The following GLRA2 variants were observed in gnomAD, a reference collection of about 807,000 sequenced individuals.
GLRA2 encodes the protein glycine receptor alpha 2, also known as glycine receptor subunit alpha-2.
A neutral mutation model predicts 31.6 loss-of-function variants in GLRA2; 11 were observed. The observed-to-expected ratio is 0.35, with a 90% CI of 0.22 to 0.58. The LOEUF (loss-of-function observed/expected upper bound fraction) is 0.58, where lower values mean the gene tolerates loss of function less well. Among genes scored for constraint, GLRA2 ranks in the 20% least tolerant of loss-of-function variants. GLRA2 has a pLI of 0.84. For synonymous variants in GLRA2, 132 were observed against 134.0 expected, an observed-to-expected ratio of 0.99 and a Z score of 0.10; for missense variants, 212 against 351.8, an observed-to-expected ratio of 0.60 and a Z score of 3.18.
chrX:14,515,749 G>T, the GLRA2 span, among the ~76,000 whole-genome samples: 1 of 111,474 alleles, frequency 9.0e-6, no homozygotes, highest in South Asian at 3.7e-4. Context: ...CTTTGTAATT[G>T]TTAGACATAT....
chrX:14,572,804 G>C (rs1482669033), intron 2 of GLRA2, among the ~76,000 whole-genome samples: 2 of 112,115 alleles, frequency 1.8e-5, no homozygotes, highest in Non-Finnish European at 3.8e-5. Flanking sequence ...AGGGCTACAA[G>C]GGGCCCTCTC....
chrX:14,552,699 A>G (rs2089583498), intron 2 of GLRA2, among the ~76,000 whole-genome samples: 1 of 112,131 alleles, frequency 8.9e-6, no homozygotes, highest in Middle Eastern at 4.6e-3. Context: ...TCTTAGTAGG[A>G]TTCTTCCCCT....
chrX:14,646,074 C>T (rs781777519), intron 7 of GLRA2, among the ~76,000 whole-genome samples: 1 of 112,027 alleles, frequency 8.9e-6, no homozygotes, highest in African/African-American at 3.2e-5. Context: ...TAATTGCATG[C>T]CAATTATGTA....
intron 4 of GLRA2, among the ~76,000 whole-genome samples, chrX:14,593,018 A>G (rs2147079198): frequency 8.9e-6 from 1 of 111,781 alleles, no homozygotes. Flanking sequence ...GGTTCTGGTG[A>G]GGGTGCTCAA....
intron 7 of GLRA2, among the ~76,000 whole-genome samples, chrX:14,629,839 A>G (rs1043908478): frequency 2.7e-5 from 3 of 111,964 alleles, no homozygotes; most frequent in Non-Finnish European, 3.8e-5. Flanking sequence ...CATATAGTAT[A>G]AGAGCCCTAC....
chrX:14,681,981 GTATTTATA>G (rs2147169785), intron 7 of GLRA2, among the ~76,000 whole-genome samples: 1 of 82,109 alleles, frequency 1.2e-5, no homozygotes, highest in African/African-American at 4.7e-5. Context: ...GTGTATATAT[GTATTTATA>G]TATGTATGTG....
chrX:14,673,634 C>T lies in GLRA2; in HGVS notation c.931-17076C>T, dbSNP rs140134988. Among the ~76,000 whole-genome samples, 1,021 of 111,998 alleles carry T rather than the reference C, an allele frequency of 9.1e-3. 13 individuals carry two copies. The highest frequency in any genetic ancestry group is 0.031 in the African/African-American group (948 of 30,837). Reference sequence around the variant, plus strand: ...AGCTCTTCCATATTCCTCTACCCATCACTATAAACCTTACCCACCATTCCA... The same window carrying T: ...AGCTCTTCCATATTCCTCTACCCATTACTATAAACCTTACCCACCATTCCA... On this transcript the variant is annotated intron_variant, in intron 7 of 8. Transcript: ENST00000218075.
At position 14,663,009 on chromosome X, in the gene GLRA2, T is replaced by C. The variant is rs6628403; in HGVS notation, c.931-27701T>C. Among the ~76,000 whole-genome samples the C allele has an allele frequency of 9.8e-5, 11 of 111,988 alleles. No individual in the cohort carries two copies. In the East Asian group the frequency reaches 1.9e-3, roughly 20 times the overall value. On this transcript the variant is annotated intron_variant, in intron 7 of 8. Transcript: ENST00000218075. ...CTCTAAATATTTATACTAGTAGTAG[T>C]AGATTTTTCAGTTGGTTCTCTTGAG...
chrX:14,526,862 A>G (rs1216464945), upstream of GLRA2, among the ~76,000 whole-genome samples: 2 of 111,708 alleles, frequency 1.8e-5, no homozygotes, highest in African/African-American at 6.5e-5. Flanking sequence ...GTACTGCAAG[A>G]AGAGGAGACA....
the GLRA2 span, among the ~76,000 whole-genome samples, chrX:14,498,672 T>C: frequency 9.0e-6 from 1 of 111,148 alleles, no homozygotes; most frequent in Non-Finnish European, 1.9e-5. Context: ...TTATAAACTA[T>C]AGCCGCCCTA....
At chrX:14,692,689 A>G (rs766252957) in intron 8 of GLRA2, among the ~76,000 whole-genome samples, 1 of 111,766 alleles carries the variant, frequency 8.9e-6, no homozygotes, top group Admixed American at 9.5e-5. Flanking sequence ...TTTAAGAAAC[A>G]CTATCCTGGC....
At chrX:14,544,922 T>C (rs1282667025) in intron 2 of GLRA2, among the ~76,000 whole-genome samples, 1 of 111,580 alleles carries the variant, frequency 9.0e-6, no homozygotes, top group Non-Finnish European at 1.9e-5. Flanking sequence ...TAGGAAGAGA[T>C]AAATAACGGA....
intron 1 of GLRA2, chrX:14,531,101 C>A: frequency 1.1e-6 from 1 of 929,221 alleles, no homozygotes. Flanking sequence ...GAATCATCAT[C>A]ATCATCATCA....
At chrX:14,507,493 G>A in the GLRA2 span, among the ~76,000 whole-genome samples, 1 of 110,333 alleles carries the variant, frequency 9.1e-6, no homozygotes, top group African/African-American at 3.3e-5. Context: ...GAGCAGTGAT[G>A]CTTGTTTGTT....
At chrX:14,717,366 A>C (rs939689599) in intron 8 of GLRA2, among the ~76,000 whole-genome samples, 14 of 109,827 alleles carry the variant, frequency 1.3e-4, no homozygotes, top group African/African-American at 4.6e-4. Flanking sequence ...AAAAAAGTAG[A>C]TATCAAGTCC....
chrX:14,636,798 C>A (rs2090714689), intron 7 of GLRA2, among the ~76,000 whole-genome samples: 3 of 111,722 alleles, frequency 2.7e-5, no homozygotes, highest in African/African-American at 9.7e-5. Context: ...TTCTATAAAT[C>A]TAAAACTATT....
chrX:14,474,745 T>TG, the GLRA2 span, among the ~76,000 whole-genome samples: 10 of 107,511 alleles, frequency 9.3e-5, no homozygotes, highest in Admixed American at 4.0e-4. Flanking sequence ...CTGGGATGAC[T>TG]GGGGCCTCTC....
At chrX:14,529,315 C>G (rs1002365698), upstream of GLRA2, 2 of 106,428 alleles carry the variant, frequency 1.9e-5, no homozygotes, top group Admixed American at 1.0e-4. Flanking sequence ...TCACCCTCTC[C>G]GTCTCCCGAC....
At chrX:14,493,545 T>A in the GLRA2 span, among the ~76,000 whole-genome samples, 1 of 95,959 alleles carries the variant, frequency 1.0e-5, no homozygotes, top group Non-Finnish European at 2.0e-5. Flanking sequence ...ATATATATAC[T>A]TATATACATA....
Sources: gnomAD v4.1 joint callset for allele counts (sites outside exome capture counted in the v4.1 genomes callset) on GRCh38, gnomAD v4.1.1 for gene constraint, MANE v1.5 for transcripts, NCBI Gene and HGNC (gene_info 2026-07-23, HGNC 2026-07-21) for gene names.